The following NUP107 variants were observed in gnomAD, a reference collection of about 807,000 sequenced individuals.
The protein encoded by NUP107 is nuclear pore complex protein Nup107.
In NUP107, 101 loss-of-function variants were observed where a neutral mutation model predicts 141.0. The observed-to-expected ratio is 0.72, with a 90% CI of 0.61 to 0.84. NUP107 has a LOEUF of 0.84. NUP107 is among the 40% of genes least tolerant of loss of function. The pLI, the probability that NUP107 is intolerant of heterozygous loss-of-function variation, is 0.00. For missense variants in NUP107, 941 were observed against 1,102.7 expected (o/e 0.85, Z 2.08); for synonymous variants, 319 against 363.9 (o/e 0.88, Z 1.41).
intron 5 of NUP107, among the ~76,000 whole-genome samples, chr12:68,694,445 G>C (rs2136000316): frequency 6.6e-6 from 1 of 152,188 alleles, no homozygotes; most frequent in East Asian, 1.9e-4. Context: ...TTAAACTTTT[G>C]TGCACGAAAG....
At position 68,737,309 on chromosome 12, in the gene NUP107, A is replaced by T. The variant is rs566966290; in HGVS notation, c.2502+1965A>T. ...GCCAAGCGTGGTGGCTCACGCCTGT[A>T]CTCCTAGCACTTTGAGAGGCTGAGG... On this transcript the variant is annotated intron_variant, in intron 26 of 27. Transcript: ENST00000229179. Among the ~76,000 whole-genome samples the T allele has an allele frequency of 5.9e-5, 9 of 152,232 alleles. No homozygotes were observed. In the East Asian group the frequency reaches 1.7e-3, roughly 29 times the overall value.
intron 26 of NUP107, among the ~76,000 whole-genome samples, chr12:68,738,920 A>G (rs572688881): frequency 6.6e-6 from 1 of 152,268 alleles, no homozygotes; most frequent in South Asian, 2.1e-4. Flanking sequence ...TTGGAATAAA[A>G]TCTTTCTTTT....
chr12:68,697,184 T>G (rs1048325064), intron 6 of NUP107, among the ~76,000 whole-genome samples: 1 of 152,072 alleles, frequency 6.6e-6, no homozygotes, highest in Admixed American at 6.6e-5. Context: ...TCCCAATGCT[T>G]TGGGAGGCCA....
At position 68,727,398 on chromosome 12, in the gene NUP107, T is replaced by A; in HGVS notation, c.1734+9T>A. On this transcript the variant is annotated intron_variant, in intron 20 of 27. Transcript: ENST00000229179. The stretch of plus-strand genomic sequence containing the variant: ...TAAAGACATACATACAGGTAAACTT[T>A]GAGAACCTACAACCTGATTGTTTTT... 6.8e-7 allele frequency: 1 copy of A among 1,471,636 alleles called. No individual in the cohort carries two copies. The highest frequency in any genetic ancestry group is 1.4e-5 in the African/African-American group (1 of 71,726). 91.2% of individuals were successfully genotyped at this position (1,471,636 alleles called of 1,614,324 possible).
At chr12:68,692,550 G>A (rs1875855584) in intron 5 of NUP107, among the ~76,000 whole-genome samples, 1 of 150,344 alleles carries the variant, frequency 6.7e-6, no homozygotes, top group Admixed American at 6.7e-5. Flanking sequence ...TTGCACTCCA[G>A]CCTGGGCTAC....
chr12:68,725,271 C>A (rs562454081), intron 17 of NUP107, among the ~76,000 whole-genome samples: 2 of 152,126 alleles, frequency 1.3e-5, no homozygotes, highest in East Asian at 3.9e-4. Context: ...TGTACCTGAT[C>A]ACTATTTTTT....
chr12:68,695,750 A>G (rs998570272), intron 5 of NUP107, among the ~76,000 whole-genome samples: 1 of 152,220 alleles, frequency 6.6e-6, no homozygotes, highest in Non-Finnish European at 1.5e-5. Flanking sequence ...CTATACACTT[A>G]AAAATGATTA....
intron 7 of NUP107, among the ~76,000 whole-genome samples, chr12:68,702,504 A>G (rs1354536311): frequency 2.6e-5 from 4 of 152,128 alleles, no homozygotes; most frequent in Non-Finnish European, 4.4e-5. Flanking sequence ...ACCTCAAGTG[A>G]TCTGCCTGTC....
chr12:68,690,860 C>T, intron 4 of NUP107, 114 bp downstream of exon 4: 5 of 1,019,428 alleles, frequency 4.9e-6, no homozygotes, highest in Middle Eastern at 2.7e-4. Flanking sequence ...GCCTTGGCCT[C>T]CCAGAAGTCA....
chr12:68,689,393 C>T, intron 2 of NUP107, 140 bp from the exon 3 acceptor site: 4 of 587,332 alleles, frequency 6.8e-6, no homozygotes, highest in Non-Finnish European at 1.2e-5. Flanking sequence ...ATTATTTACC[C>T]TTTGCATTGA....
In NUP107 at chr12:68,734,806, T is replaced by C; in HGVS notation, c.2361T>C (p.Ala787=). 1 of 1,613,034 alleles carries C rather than the reference T, an allele frequency of 6.2e-7. No homozygotes were observed. The highest frequency in any genetic ancestry group is 1.3e-5 in the African/African-American group (1 of 74,964). Residue 787 remains alanine (A), a synonymous_variant, in exon 25 of 28, where the codon GCT becomes GCC. Transcript: ENST00000229179. ...IPQPTFTEKV[A]HEHKEKKYEM... ...AACCAACTTTTACTGAGAAAGTGGC[T>C]CATGAACACAAAGAAAAGAAATATG...
At chr12:68,727,895 G>C (rs917328050) in intron 20 of NUP107, among the ~76,000 whole-genome samples, 10 of 152,130 alleles carry the variant, frequency 6.6e-5, no homozygotes, top group African/African-American at 2.2e-4. Context: ...TTATGCAGAA[G>C]TGGACCTGCA....
chr12:68,702,790 T>C lies in NUP107; in HGVS notation c.729+6T>C. 1.4e-6 allele frequency: 2 copies of C among 1,476,254 alleles called. No individual in the cohort carries two copies. The highest frequency in any genetic ancestry group is 1.8e-6 in the Non-Finnish European group (2 of 1,084,986). 91.4% of individuals were successfully genotyped at this position (1,476,254 alleles called of 1,614,324 possible). A position where few individuals can be genotyped will look rare whatever the true frequency, so the allele number is the denominator to read the frequency against. ...AAAGTGTATTCGCAGTTACTGTAAG[T>C]TTTATATTAATTTTTTCTTTTATAA... On this transcript the variant is annotated splice_donor_region_variant and intron_variant, in intron 8 of 27. Transcript: ENST00000229179.
At chr12:68,733,419 T>C (rs1170668360) in intron 23 of NUP107, 33 bp from the exon 24 acceptor site, 8 of 1,591,328 alleles carry the variant, frequency 5.0e-6, no homozygotes, top group Non-Finnish European at 6.8e-6. Flanking sequence ...GAGAAGTCCG[T>C]AGGCATTCAA....
rs368412030 is a variant in NUP107 at position 68,742,412 on chromosome 12, A to G, written c.2728A>G (p.Met910Val). The change falls in exon 28 of 28, where the codon ATG becomes GTG. Residue 910 changes from methionine (M) to valine (V), a missense_variant. Transcript: ENST00000229179. ...GCAGAAGCTCAGAGAGTCCTCTCTA[A>G]TGCTCCTAGACCAGGGACTTGACCC... is the stretch of plus-strand genomic sequence containing the variant. Reference protein sequence around the residue: ...LLQKLRESSLMLLDQGLDPLG... With the variant: ...LLQKLRESSLVLLDQGLDPLG... 8.7e-6 allele frequency: 14 copies of G among 1,611,688 alleles called. No individual in the cohort carries two copies. The highest frequency in any genetic ancestry group is 8.4e-5 in the Admixed American group (5 of 59,752).
rs536723835 is a variant in NUP107 at position 68,742,460 on chromosome 12, T to C, written c.2776T>C (p.Ter926GlnextTer13). Residue 926 changes from the stop codon to glutamine (Q), a stop_lost, in exon 28 of 28, where the codon TAG becomes CAG. Transcript: ENST00000229179. ...LDPLGYEIQL[*>Q] ...CCCATTAGGGTATGAAATTCAGTTA[T>C]AGTTTAATCTTTGTAATCTCACTAA... The C allele has an allele frequency of 3.4e-6, 5 of 1,488,074 alleles. No individual in the cohort carries two copies. Among genetic ancestry groups the C allele is most frequent in the Non-Finnish European group, 4.6e-6 (5 of 1,085,508 alleles). The allele number at this position is 1,488,074 out of a possible 1,614,324, so 92.2% of individuals were successfully genotyped here.
chr12:68,700,699 C>T lies in NUP107; in HGVS notation c.553-27C>T, dbSNP rs116324823. On this transcript the variant is annotated intron_variant, in intron 6 of 27. Transcript: ENST00000229179. ...TGACTCAAAATTGTAGAAAATTAAC[C>T]TCTTTACATCTGTGTTTTTTATTCA... 947 of 1,501,040 alleles carry T rather than the reference C, an allele frequency of 6.3e-4. 8 individuals are homozygous for T. In the African/African-American group the frequency reaches 0.011, roughly 18 times the overall value. 93.0% of individuals were successfully genotyped at this position (1,501,040 alleles called of 1,614,324 possible). A position where few individuals can be genotyped will look rare whatever the true frequency, so the allele number is the denominator to read the frequency against.
Position 68,742,695 on chromosome 12 carries a change from G to C in NUP107, c.*233G>C, listed in dbSNP as rs987544293. ...AATTTTCTGTTTTTACAAATTCCAG[G>C]GTTGTCTCTTTTTCATGTAATAAGA... is the stretch of plus-strand genomic sequence containing the variant. On this transcript the variant is annotated 3_prime_UTR_variant, in exon 28 of 28. Coordinates refer to ENST00000229179, the MANE Select transcript of NUP107 (RefSeq NM_020401.4). 4.4e-6 allele frequency: 1 copy of C among 228,182 alleles called. No individual in the cohort carries two copies. Among genetic ancestry groups the C allele is most frequent in the African/African-American group, 2.3e-5 (1 of 43,980 alleles). The allele number at this position is 228,182 out of a possible 1,614,324, so 14.1% of individuals were successfully genotyped here. A position where few individuals can be genotyped will look rare whatever the true frequency, so the allele number is the denominator to read the frequency against.
intron 9 of NUP107, 29 bp from the exon 10 acceptor site, chr12:68,709,976 A>C (rs369203710): frequency 1.6e-6 from 2 of 1,265,418 alleles, no homozygotes; most frequent in Non-Finnish European, 2.3e-6. Flanking sequence ...GGTAGTTAAC[A>C]CTAATTTATT....
Sources: gnomAD v4.1 joint callset for allele counts (sites outside exome capture counted in the v4.1 genomes callset) on GRCh38, gnomAD v4.1.1 for gene constraint, MANE v1.5 for transcripts, NCBI Gene and HGNC (gene_info 2026-07-23, HGNC 2026-07-21) for gene names.